The following TBC1D9 variants were observed in gnomAD, a reference collection of about 807,000 sequenced individuals.
TBC1D9 encodes TBC1 domain family member 9.
Under a neutral mutation model 132.0 loss-of-function variants are expected in TBC1D9, and 63 were observed. The observed-to-expected ratio is 0.48, with a 90% CI of 0.39 to 0.59. The LOEUF is 0.59. TBC1D9 is among the 20% of genes least tolerant of loss of function. The pLI is 0.00. For missense variants in TBC1D9, 1,261 were observed against 1,592.7 expected, an observed-to-expected ratio of 0.79 and a Z score of 3.54; for synonymous variants, 610 against 609.9, an observed-to-expected ratio of 1.00 and a Z score of 0.00.
At chr4:140,741,313 T>G (rs1054088717) in intron 1 of TBC1D9, among the ~76,000 whole-genome samples, 2 of 152,180 alleles carry the variant, frequency 1.3e-5, no homozygotes, top group African/African-American at 4.8e-5. Flanking sequence ...CAAAGCTATC[T>G]CTTGTGGGGG....
At chr4:140,731,767 T>C (rs1738594763) in intron 1 of TBC1D9, among the ~76,000 whole-genome samples, 1 of 152,048 alleles carries the variant, frequency 6.6e-6, no homozygotes. Flanking sequence ...GAGGAGCAGA[T>C]ACAATTTTTT....
chr4:140,630,731 T>G (rs961072329), intron 16 of TBC1D9, among the ~76,000 whole-genome samples: 12 of 152,202 alleles, frequency 7.9e-5, no homozygotes, highest in Admixed American at 6.5e-5. Flanking sequence ...TAACATACCC[T>G]TGGCTATCTC....
chr4:140,722,543 G>A (rs758393025), intron 1 of TBC1D9, among the ~76,000 whole-genome samples: 35 of 152,298 alleles, frequency 2.3e-4, no homozygotes, highest in Non-Finnish European at 4.1e-4. Context: ...CTGGGTCCTG[G>A]TAATGCCATG....
chr4:140,750,280 A>G (rs1021632301), intron 1 of TBC1D9, among the ~76,000 whole-genome samples: 1 of 152,106 alleles, frequency 6.6e-6, no homozygotes, highest in African/African-American at 2.4e-5. Context: ...TCATAATTGT[A>G]TATGAGGTCC....
intron 9 of TBC1D9, among the ~76,000 whole-genome samples, chr4:140,662,740 C>T (rs777995044): frequency 3.3e-5 from 5 of 152,080 alleles, no homozygotes; most frequent in Non-Finnish European, 7.4e-5. Flanking sequence ...GAGAATCATC[C>T]ATTTGAGATA....
chr4:140,644,068 TC>T, intron 13 of TBC1D9: 1 of 425,868 alleles, frequency 2.3e-6, no homozygotes, highest in Non-Finnish European at 4.5e-6. Flanking sequence ...AGGCGCTTGG[TC>T]CCATCAGCTG....
At chr4:140,746,415 T>C (rs1313293334) in intron 1 of TBC1D9, among the ~76,000 whole-genome samples, 6 of 152,080 alleles carry the variant, frequency 3.9e-5, no homozygotes, top group Non-Finnish European at 7.4e-5. Context: ...CAAGGTAGAG[T>C]CCATAGCTTT....
chr4:140,702,682 C>A (rs1738091276), intron 1 of TBC1D9, among the ~76,000 whole-genome samples: 1 of 152,220 alleles, frequency 6.6e-6, no homozygotes, highest in African/African-American at 2.4e-5. Context: ...TTTAACCACA[C>A]TGAAGCGGGA....
At chr4:140,633,166 A>C (rs1434991609) in intron 16 of TBC1D9, among the ~76,000 whole-genome samples, 1 of 152,158 alleles carries the variant, frequency 6.6e-6, no homozygotes, top group African/African-American at 2.4e-5. Flanking sequence ...TTCCTTGGGT[A>C]CTTCTTTTTA....
intron 1 of TBC1D9, among the ~76,000 whole-genome samples, chr4:140,718,247 GAAAA>G (rs11420074): frequency 2.6e-4 from 32 of 123,146 alleles, no homozygotes; most frequent in African/African-American, 7.8e-4. Flanking sequence ...CCTTTTTTCA[GAAAA>G]AAAAAAAAAA....
chr4:140,643,976 C>T (rs1737055764), intron 13 of TBC1D9: 1 of 579,722 alleles, frequency 1.7e-6, no homozygotes, highest in Admixed American at 2.2e-5. Context: ...CAGCCAGCGG[C>T]TCTTCCTCCG....
intron 1 of TBC1D9, among the ~76,000 whole-genome samples, chr4:140,749,344 A>C (rs1738887130): frequency 6.6e-6 from 1 of 152,226 alleles, no homozygotes; most frequent in Non-Finnish European, 1.5e-5. Flanking sequence ...GAGTCTCAAA[A>C]AGTGTAACTT....
At chr4:140,687,390 A>AC (rs1560885956) in intron 2 of TBC1D9, among the ~76,000 whole-genome samples, 6,554 of 117,550 alleles carry the variant, frequency 0.056, 879 homozygotes, top group African/African-American at 0.19. Flanking sequence ...ATATATATAT[A>AC]TATATAAACA....
At chr4:140,657,071 C>A in intron 13 of TBC1D9, 26 bp downstream of exon 13, 1 of 1,611,362 alleles carries the variant, frequency 6.2e-7, no homozygotes, top group South Asian at 1.1e-5. Flanking sequence ...TGGTTAAGCC[C>A]TGCTCAGCCA....
chr4:140,668,829 C>T (rs1737488112), intron 9 of TBC1D9, 88 bp downstream of exon 9: 2 of 1,408,260 alleles, frequency 1.4e-6, no homozygotes, highest in African/African-American at 1.4e-5. Flanking sequence ...TTTGAAAGAA[C>T]CCCTGAGGCA....
At position 140,686,359 on chromosome 4, in the gene TBC1D9, CA is replaced by C; in HGVS notation, c.344del (p.Val115GlyfsTer18). On this transcript the variant is annotated frameshift_variant, in exon 3 of 21. Coordinates refer to ENST00000442267, the MANE Select transcript of TBC1D9 (RefSeq NM_015130.3). LOFTEE classifies it high-confidence loss of function. Reference sequence around the variant, plus strand: ...ATCCCACTACCTGTATTTTTCCTCTCACAAATGTGGTGATATCATTCTCATT... The same window carrying C: ...ATCCCACTACCTGTATTTTTCCTCTCCAAATGTGGTGATATCATTCTCATT... ...FENENDITTF[V>X]RGKIQGIIAE... is the part of the protein sequence containing the mutation. 6.3e-7 allele frequency: 1 copy of C among 1,590,984 alleles called. No homozygotes were observed. The highest frequency in any genetic ancestry group is 8.6e-7 in the Non-Finnish European group (1 of 1,163,198).
intron 20 of TBC1D9, 81 bp downstream of exon 20, chr4:140,624,035 C>T (rs2110961482): frequency 8.7e-7 from 1 of 1,143,824 alleles, no homozygotes. Flanking sequence ...GGTATTGAGT[C>T]TACATTTATC....
At chr4:140,743,451 CTT>C (rs1376129274) in intron 1 of TBC1D9, among the ~76,000 whole-genome samples, 6 of 152,310 alleles carry the variant, frequency 3.9e-5, no homozygotes, top group Admixed American at 2.0e-4. Context: ...GGAAGAGAAA[CTT>C]TGCAAATCAC....
chr4:140,646,667 G>A (rs953365239), intron 13 of TBC1D9, among the ~76,000 whole-genome samples: 3 of 152,030 alleles, frequency 2.0e-5, no homozygotes, highest in African/African-American at 7.2e-5. Flanking sequence ...ACTAATCCAG[G>A]GAATTGAAAG....
Sources: allele counts gnomAD v4.1 joint callset (sites outside exome capture counted in the v4.1 genomes callset), GRCh38; gene constraint gnomAD v4.1.1; transcripts MANE v1.5; gene names NCBI Gene and HGNC (gene_info 2026-07-23, HGNC 2026-07-21).